Variants in PCDHGB3 observed in about 807,000 individuals in gnomAD.
The protein encoded by PCDHGB3 is protocadherin gamma-B3.
PCDHGB3 carries 40 observed loss-of-function variants against 59.2 expected under a neutral mutation model. The ratio of observed to expected loss-of-function variants is 0.68; its 90% CI spans 0.52 to 0.88. The LOEUF (loss-of-function observed/expected upper bound fraction) is 0.88. PCDHGB3 is among the 40% of genes least tolerant of loss of function. PCDHGB3 has a pLI of 0.00. For synonymous variants in PCDHGB3, 581 were observed against 503.6 expected, an observed-to-expected ratio of 1.15 and a Z score of -2.06; for missense variants, 1,309 against 1,187.9, an observed-to-expected ratio of 1.10 and a Z score of -1.50.
In PCDHGB3 at chr5:141,485,423, C is replaced by A; in HGVS notation, c.2416-9384C>A. On this transcript the variant is annotated intron_variant, in intron 1 of 3. Transcript: ENST00000576222. This position sits in a 1 kb window ranked among gnomAD's most constrained non-coding sequence, Gnocchi z 5.7. Reference sequence around the variant, plus strand: ...CCGTGTGGATTTGGACAGCGGAGCCCTGCTCATCAAGAACCCAATCGACCG... The same window carrying A: ...CCGTGTGGATTTGGACAGCGGAGCCATGCTCATCAAGAACCCAATCGACCG... 1 of 1,614,204 alleles carries A rather than the reference C, an allele frequency of 6.2e-7. No homozygotes were observed. The highest frequency in any genetic ancestry group is 8.5e-7 in the Non-Finnish European group (1 of 1,180,036).
chr5:141,400,030 C>G (rs201599536), intron 1 of PCDHGB3: 3 of 1,613,050 alleles, frequency 1.9e-6, no homozygotes, highest in Non-Finnish European at 2.5e-6. Flanking sequence ...GGACGCGGCC[C>G]GCCAGCGCCT....
chr5:141,389,002 A>T (rs749693513), intron 1 of PCDHGB3: 25 of 1,613,966 alleles, frequency 1.5e-5, no homozygotes, highest in Admixed American at 3.3e-5. Context: ...CGTGACAAGG[A>T]TTCCAGACAC....
At chr5:141,472,807 G>T (rs573078292) in intron 1 of PCDHGB3, among the ~76,000 whole-genome samples, 43 of 151,782 alleles carry the variant, frequency 2.8e-4, no homozygotes, top group African/African-American at 1.0e-3. Flanking sequence ...CCAACATGGA[G>T]AAACCCCCGT....
intron 1 of PCDHGB3, chr5:141,423,722 G>T: frequency 1.0e-6 from 1 of 954,174 alleles, no homozygotes; most frequent in Non-Finnish European, 1.3e-6. Flanking sequence ...TTAAGGAGAT[G>T]TTTTTTGAGC....
intron 1 of PCDHGB3, chr5:141,421,632 G>A (rs2096589368): frequency 6.2e-7 from 1 of 1,613,846 alleles, no homozygotes; most frequent in South Asian, 1.1e-5. Context: ...CCAGCTTCCA[G>A]GAGGACGAAG....
Position 141,372,273 on chromosome 5 carries a change from C to A in PCDHGB3, c.1879C>A (p.Arg627Ser), listed in dbSNP as rs201775561. ...CCTGGGCCTGCGCACGGGTGAGGTG[C>A]GCACGGCGCGTACCTTGGGCGACAG... ...FSLGLRTGEV[R>S]TARTLGDREA... Residue 627 changes from arginine to serine, a missense_variant, in exon 1 of 4, where the codon CGC becomes AGC. Transcript: ENST00000576222. 865 of 1,613,108 alleles carry A rather than the reference C, an allele frequency of 5.4e-4. No individual in the cohort carries two copies. Among genetic ancestry groups the A allele is most frequent in the Non-Finnish European group, 6.7e-4 (785 of 1,179,804 alleles).
intron 1 of PCDHGB3, among the ~76,000 whole-genome samples, chr5:141,397,274 G>A (rs565956732): frequency 6.6e-6 from 1 of 152,188 alleles, no homozygotes; most frequent in East Asian, 1.9e-4. Flanking sequence ...TACATCATAT[G>A]GGCAGTATAC....
chr5:141,476,053 A>G lies in PCDHGB3; in HGVS notation c.2416-18754A>G. 2 of 1,501,944 alleles carry G rather than the reference A, an allele frequency of 1.3e-6. No homozygotes were observed. Among genetic ancestry groups the G allele is most frequent in the Non-Finnish European group, 1.8e-6 (2 of 1,131,392 alleles). 93.0% of individuals were successfully genotyped at this position (1,501,944 alleles called of 1,614,324 possible). ...CAGCGCCCAAGCGCTAACCCGCTGA[A>G]AGTTTCTCAGCGAAATCTCAGGGAC... On this transcript the variant is annotated intron_variant, in intron 1 of 3. Coordinates refer to ENST00000576222, the MANE Select transcript of PCDHGB3 (RefSeq NM_018924.5). The surrounding 1 kb of genome is among the most constrained non-coding windows in gnomAD (Gnocchi z 7.6).
At chr5:141,385,020 C>A (rs1780771634) in intron 1 of PCDHGB3, 7 of 1,614,168 alleles carry the variant, frequency 4.3e-6, no homozygotes, top group Non-Finnish European at 5.9e-6. Flanking sequence ...TCCTAGCCTT[C>A]GTCCTCGTAC....
At chr5:141,452,256 C>T (rs533770410) in intron 1 of PCDHGB3, among the ~76,000 whole-genome samples, 1 of 152,298 alleles carries the variant, frequency 6.6e-6, no homozygotes, top group African/African-American at 2.4e-5. Flanking sequence ...CCATAACTCT[C>T]TCATTTTCTT....
At chr5:141,502,480 AC>A (rs145333712) in intron 2 of PCDHGB3, among the ~76,000 whole-genome samples, 7,822 of 152,242 alleles carry the variant, frequency 0.051, 439 homozygotes, top group African/African-American at 0.14. Flanking sequence ...GCAGCATCAC[AC>A]TGGGACTCAT....
chr5:141,387,037 A>G (rs2090794833), intron 1 of PCDHGB3, among the ~76,000 whole-genome samples: 1 of 152,258 alleles, frequency 6.6e-6, no homozygotes, highest in Non-Finnish European at 1.5e-5. Flanking sequence ...TTTCATAACC[A>G]GTAAAATAAT....
intron 1 of PCDHGB3, chr5:141,389,984 C>G: frequency 6.2e-7 from 1 of 1,614,070 alleles, no homozygotes; most frequent in Non-Finnish European, 8.5e-7. Flanking sequence ...TCTCAGTGCT[C>G]TTCCTCGTGG....
At chr5:141,446,718 C>T (rs1279970040) in intron 1 of PCDHGB3, among the ~76,000 whole-genome samples, 4 of 152,174 alleles carry the variant, frequency 2.6e-5, no homozygotes, top group South Asian at 2.1e-4. Flanking sequence ...CTGCCCGCCT[C>T]GGCCTCCCAA....
intron 1 of PCDHGB3, chr5:141,422,634 T>C: frequency 1.9e-6 from 3 of 1,612,682 alleles, no homozygotes; most frequent in Non-Finnish European, 2.5e-6. Flanking sequence ...ACCCCAGGGG[T>C]GCCTCCATCT....
chr5:141,440,103 A>G (rs1391819927), intron 1 of PCDHGB3: 1 of 152,222 alleles, frequency 6.6e-6, no homozygotes, highest in Non-Finnish European at 1.5e-5. Flanking sequence ...GAAAGTGGAG[A>G]CTTACTTGTG....
chr5:141,435,737 T>C (rs944951200), intron 1 of PCDHGB3, among the ~76,000 whole-genome samples: 1 of 152,202 alleles, frequency 6.6e-6, no homozygotes, highest in Non-Finnish European at 1.5e-5. Context: ...TATTACTCTT[T>C]GAAAAGCATT....
intron 1 of PCDHGB3, chr5:141,400,578 T>C: frequency 6.2e-7 from 1 of 1,610,934 alleles, no homozygotes; most frequent in Non-Finnish European, 8.5e-7. Context: ...TTTCTGTATT[T>C]ACATGAAACT....
intron 1 of PCDHGB3, among the ~76,000 whole-genome samples, chr5:141,482,530 C>CAAAAAAAAA (rs3074545): frequency 5.2e-4 from 40 of 76,506 alleles, no homozygotes; most frequent in African/African-American, 1.4e-3. Context: ...GACAGACATG[C>CAAAAAAAAA]AAAAAAAAAA....
Sources: allele counts gnomAD v4.1 joint callset (sites outside exome capture counted in the v4.1 genomes callset), GRCh38; gene constraint gnomAD v4.1.1; non-coding constraint Gnocchi (gnomAD v3.1); transcripts MANE v1.5; gene names NCBI Gene and HGNC (gene_info 2026-07-23, HGNC 2026-07-21).